SLC7A9: variants seen among roughly 807,000 people sequenced by gnomAD.
SLC7A9 encodes B(0,+)-type amino acid transporter 1.
SLC7A9 carries 38 observed loss-of-function variants against 54.1 expected under a neutral mutation model. That is an observed-to-expected ratio of 0.70 (90% CI 0.54 to 0.92). The LOEUF is 0.92. Ranked by LOEUF, SLC7A9 falls within the 40% of genes least tolerant of loss-of-function variation. The probability of loss-of-function intolerance (pLI) is 0.00; values close to 1 mark genes in which losing one functional copy is unlikely to be tolerated. For missense variants in SLC7A9, 537 were observed against 636.1 expected, an observed-to-expected ratio of 0.84 and a Z score of 1.68; for synonymous variants, 264 against 258.9, an observed-to-expected ratio of 1.02 and a Z score of -0.19.
At chr19:32,835,518 A>T (rs901547666) in intron 11 of SLC7A9, among the ~76,000 whole-genome samples, 6 of 152,222 alleles carry the variant, frequency 3.9e-5, no homozygotes, top group African/African-American at 1.4e-4. Context: ...AGGAAAATGT[A>T]ATTTACTAAA....
At position 32,858,424 on chromosome 19, in the gene SLC7A9, G is replaced by A. The variant is rs751959199; in HGVS notation, c.977+16C>T. ...CGCCCCTGTCCACCCTGGGAGTGAC[G>A]GTGGGGGTCCCCTACCTGCCCGCTG... On this transcript the variant is annotated intron_variant, in intron 9 of 12. Coordinates refer to ENST00000023064, the MANE Select transcript of SLC7A9 (RefSeq NM_014270.5). The A allele has an allele frequency of 7.0e-6, 11 of 1,581,696 alleles. No individual in the cohort carries two copies. The highest frequency in any genetic ancestry group is 1.7e-4 in the Middle Eastern group (1 of 5,998).
At chr19:32,835,086 C>G (rs1967919481) in intron 11 of SLC7A9, among the ~76,000 whole-genome samples, 1 of 152,206 alleles carries the variant, frequency 6.6e-6, no homozygotes, top group Admixed American at 6.5e-5. Context: ...CAATCACACC[C>G]AGCCCCTGAA....
At chr19:32,837,752 C>A (rs147093110) in intron 11 of SLC7A9, among the ~76,000 whole-genome samples, 1 of 152,152 alleles carries the variant, frequency 6.6e-6, no homozygotes, top group East Asian at 1.9e-4. Flanking sequence ...TACGCCTACA[C>A]GTGATTTTGA....
At chr19:32,860,741 T>G (rs1968776463) in intron 6 of SLC7A9, 91 bp from the exon 7 acceptor site, 3 of 1,538,308 alleles carry the variant, frequency 2.0e-6, no homozygotes, top group Admixed American at 1.9e-5. Context: ...TCATTTAAGA[T>G]TCTCTACCAG....
intron 2 of SLC7A9, among the ~76,000 whole-genome samples, chr19:32,865,736 C>T (rs1271299683): frequency 1.3e-5 from 2 of 152,050 alleles, no homozygotes; most frequent in South Asian, 4.2e-4. Context: ...TTTGGGAGGC[C>T]GAGGCAGGCG....
chr19:32,864,102 C>A lies in SLC7A9; in HGVS notation c.472G>T (p.Ala158Ser). The change falls in exon 4 of 13, where the codon GCC becomes TCC. Residue 158 changes from alanine (A) to serine (S), a missense_variant. Physicochemically the swap from Ala to Ser is moderately conservative, Grantham distance 99. Transcript: ENST00000023064. ...CCTGGGCTCAGGTACTCACAGATGG[C>A]GGCGGCGGCCAGGCATTTCACAACG... ...QIVVKCLAAA[A>S]ILFISTVNSL... 6.2e-7 allele frequency: 1 copy of A among 1,613,182 alleles called. No homozygotes were observed. Among genetic ancestry groups the A allele is most frequent in the Non-Finnish European group, 8.5e-7 (1 of 1,179,220 alleles).
Position 32,868,248 on chromosome 19 carries a change from A to AAAG in SLC7A9, c.87+197_87+199dup, listed in dbSNP as rs200574925. Among the ~76,000 whole-genome samples the AAAG allele has an allele frequency of 1.2e-4, 18 of 145,292 alleles. 1 individual carries two copies. Among genetic ancestry groups the AAAG allele is most frequent in the Non-Finnish European group, 1.3e-4 (9 of 66,944 alleles). On this transcript the variant is annotated intron_variant, in intron 2 of 12. Coordinates refer to ENST00000023064, the MANE Select transcript of SLC7A9 (RefSeq NM_014270.5). ...TCCATCTCAAAAAAAAAAAAAAAAA[A>AAAG]AAGAAGATGCAGAATTCCCTGGCGA...
intron 9 of SLC7A9, among the ~76,000 whole-genome samples, chr19:32,845,368 AC>A: frequency 6.6e-6 from 1 of 151,582 alleles, no homozygotes; most frequent in Non-Finnish European, 1.5e-5. Context: ...GGTGGCGGGC[AC>A]CTGTAACCTC....
rs747127733 is a variant in SLC7A9 at position 32,864,787 on chromosome 19, A to G, written c.88-11T>C. On this transcript the variant is annotated splice_polypyrimidine_tract_variant and intron_variant, in intron 2 of 12. Coordinates refer to ENST00000023064, the MANE Select transcript of SLC7A9 (RefSeq NM_014270.5). ...ACTGATGAGGCCCAGCTGGGTGTGG[A>G]GGAAGGAAGAGGGCGTTAGTGCCAC... is the stretch of plus-strand genomic sequence containing the variant. 4 of 1,614,008 alleles carry G rather than the reference A, an allele frequency of 2.5e-6. No individual in the cohort carries two copies. Among genetic ancestry groups the G allele is most frequent in the Non-Finnish European group, 3.4e-6 (4 of 1,179,990 alleles).
At chr19:32,855,701 C>CAA (rs113279936) in intron 9 of SLC7A9, among the ~76,000 whole-genome samples, 31 of 145,258 alleles carry the variant, frequency 2.1e-4, no homozygotes, top group African/African-American at 2.0e-4. Context: ...GACTCCGTCT[C>CAA]AAAAAAAAAA....
At position 32,868,565 on chromosome 19, in the gene SLC7A9, A is replaced by G. The variant is rs1376650597; in HGVS notation, c.-31T>C. 1.3e-6 allele frequency: 2 copies of G among 1,576,836 alleles called. No individual in the cohort carries two copies. The highest frequency in any genetic ancestry group is 1.7e-5 in the Admixed American group (1 of 59,942). On this transcript the variant is annotated 5_prime_UTR_variant, in exon 2 of 13. Coordinates refer to ENST00000023064, the MANE Select transcript of SLC7A9 (RefSeq NM_014270.5). Reference sequence around the variant, plus strand: ...CTCCTGCTGGTTCCAGGAGACTGCAAGGAGGGCGCACAGCTAAATCTTGGT... The same window carrying G: ...CTCCTGCTGGTTCCAGGAGACTGCAGGGAGGGCGCACAGCTAAATCTTGGT...
Position 32,842,046 on chromosome 19 carries a change from C to T in SLC7A9, c.1224+122G>A, listed in dbSNP as rs2287882. 157,685 of 959,176 alleles carry T rather than the reference C, an allele frequency of 0.16. 13,395 individuals are homozygous for T. Among genetic ancestry groups the T allele is most frequent in the East Asian group, 0.22 (8,647 of 39,514 alleles). 59.4% of individuals were successfully genotyped at this position (959,176 alleles called of 1,614,324 possible). ...GAAGAGTAAACTCCACTCTAAAATA[C>T]GATATTTTAAAAGAGTCAAGTCAGA... On this transcript the variant is annotated intron_variant, in intron 11 of 12. Transcript: ENST00000023064.
chr19:32,853,984 T>G (rs903539839), intron 9 of SLC7A9, among the ~76,000 whole-genome samples: 2 of 148,874 alleles, frequency 1.3e-5, no homozygotes, highest in Non-Finnish European at 1.5e-5. Flanking sequence ...ACCTAAATAG[T>G]CCACCCATGG....
At chr19:32,832,101 C>T (rs956840302) in intron 12 of SLC7A9, among the ~76,000 whole-genome samples, 1 of 151,646 alleles carries the variant, frequency 6.6e-6, no homozygotes, top group East Asian at 1.9e-4. Flanking sequence ...CATGATGAAA[C>T]CCCGACTCTA....
At chr19:32,834,747 T>C (rs573076251) in intron 11 of SLC7A9, among the ~76,000 whole-genome samples, 3 of 152,332 alleles carry the variant, frequency 2.0e-5, no homozygotes, top group Admixed American at 6.5e-5. Flanking sequence ...TTGTTTTGTT[T>C]TCATTTTTAA....
chr19:32,862,279 A>T, intron 5 of SLC7A9, 62 bp from the exon 6 acceptor site: 1 of 1,462,624 alleles, frequency 6.8e-7, no homozygotes, highest in Non-Finnish European at 9.6e-7. Context: ...GTGTATCTCC[A>T]CGGGAAAGAT....
At chr19:32,840,038 AT>A (rs1162667390) in intron 11 of SLC7A9, among the ~76,000 whole-genome samples, 1 of 151,892 alleles carries the variant, frequency 6.6e-6, no homozygotes, top group Non-Finnish European at 1.5e-5. Flanking sequence ...CATGTATTAG[AT>A]TCCCCACCTT....
chr19:32,868,382 T>C, intron 2 of SLC7A9, 66 bp downstream of exon 2: 1 of 1,211,736 alleles, frequency 8.3e-7, no homozygotes, highest in Non-Finnish European at 1.2e-6. Flanking sequence ...TTTCACTGCC[T>C]GCGCCCCTCG....
At chr19:32,841,401 G>A (rs1221159372) in intron 11 of SLC7A9, among the ~76,000 whole-genome samples, 1 of 152,008 alleles carries the variant, frequency 6.6e-6, no homozygotes, top group African/African-American at 2.4e-5. Context: ...ACAGCAATGA[G>A]TCTGCGGCTG....
Sources: allele counts gnomAD v4.1 joint callset (sites outside exome capture counted in the v4.1 genomes callset), GRCh38; gene constraint gnomAD v4.1.1; transcripts MANE v1.5; gene names NCBI Gene and HGNC (gene_info 2026-07-23, HGNC 2026-07-21).